The following ANKRD11 variants were observed in gnomAD, a reference collection of about 807,000 sequenced individuals.
The protein encoded by ANKRD11 is ankyrin repeat domain-containing protein 11.
Under a neutral mutation model 195.7 loss-of-function variants are expected in ANKRD11, and 17 were observed. The ratio of observed to expected loss-of-function variants is 0.09; its 90% confidence interval spans 0.06 to 0.13. The LOEUF (loss-of-function observed/expected upper bound fraction) is 0.13, where lower values mean the gene tolerates loss of function less well. Among genes scored for constraint, ANKRD11 ranks in the 10% least tolerant of loss-of-function variants. The pLI, the probability that ANKRD11 is intolerant of heterozygous loss-of-function variation, is 1.00. For synonymous variants in ANKRD11, 1,953 were observed against 1,528.1 expected, an observed-to-expected ratio of 1.28 and a Z score of -6.49; for missense variants, 3,735 against 3,566.1, an observed-to-expected ratio of 1.05 and a Z score of -1.21.
In ANKRD11 at chr16:89,490,498, T is replaced by TCGG; in HGVS notation, c.-401_-399dup. 4.3e-6 allele frequency: 2 copies of TCGG among 462,940 alleles called. No individual in the cohort carries two copies. Among genetic ancestry groups the TCGG allele is most frequent in the Non-Finnish European group, 7.8e-6 (2 of 257,576 alleles). 28.7% of individuals were successfully genotyped at this position (462,940 alleles called of 1,614,324 possible). A position where few individuals can be genotyped will look rare whatever the true frequency, so the allele number is the denominator to read the frequency against. ...ACTGATGGGGCGTCTGGCCGCGGGC[T>TCGG]CGGCGGCGGCGCCTCCCCGGCTGGG... On this transcript the variant is annotated 5_prime_UTR_variant, in exon 1 of 13. Transcript: ENST00000301030.
At chr16:89,366,691 G>C (rs1423721441) in intron 2 of ANKRD11, among the ~76,000 whole-genome samples, 1 of 152,184 alleles carries the variant, frequency 6.6e-6, no homozygotes, top group Admixed American at 6.5e-5. Context: ...TCTAGACAGA[G>C]GTGCGGCACA....
At chr16:89,473,179 C>CA (rs5818721) in intron 1 of ANKRD11, among the ~76,000 whole-genome samples, 71,325 of 142,420 alleles carry the variant, frequency 0.5, 17,523 homozygotes, top group Middle Eastern at 0.65. Context: ...GACCCTGCCT[C>CA]AAAAAAAAAA....
rs755200940 is a variant in ANKRD11, at chr16:89,285,689, A to G, written c.893-40T>C. On this transcript the variant is annotated intron_variant, in intron 8 of 12. Transcript: ENST00000301030. This position sits in a 1 kb window ranked among gnomAD's most constrained non-coding sequence, Gnocchi z 5.6. ...AAGCGAGAGGTCACAGGCAGGCTCA[A>G]AACAGCTCTCCCCAGAATGGCAGAG... The G allele has an allele frequency of 2.5e-6, 4 of 1,603,842 alleles. No individual in the cohort carries two copies.
chr16:89,359,694 G>C (rs569331562), intron 2 of ANKRD11, among the ~76,000 whole-genome samples: 2 of 152,312 alleles, frequency 1.3e-5, no homozygotes, highest in African/African-American at 4.8e-5. Context: ...AGCAGGAACT[G>C]GGTAACTGTA....
intron 2 of ANKRD11, among the ~76,000 whole-genome samples, chr16:89,344,018 A>C (rs1237954505): frequency 1.3e-5 from 2 of 152,124 alleles, no homozygotes; most frequent in African/African-American, 2.4e-5. Context: ...ATATCGGTGC[A>C]GGCGGCCAGC....
At chr16:89,368,202 CTT>C (rs796397106) in intron 2 of ANKRD11, among the ~76,000 whole-genome samples, 2 of 144,632 alleles carry the variant, frequency 1.4e-5, no homozygotes, top group African/African-American at 2.5e-5. Flanking sequence ...TGTTTTCGAG[CTT>C]TTTTTTTTTG....
chr16:89,452,535 G>T (rs1339268192), intron 1 of ANKRD11, among the ~76,000 whole-genome samples: 1 of 151,982 alleles, frequency 6.6e-6, no homozygotes, highest in African/African-American at 2.4e-5. Context: ...TCAGCACTCT[G>T]GGAGGCTGAG....
chr16:89,435,835 C>CACACAT (rs1555578690), intron 1 of ANKRD11, among the ~76,000 whole-genome samples: 2 of 149,912 alleles, frequency 1.3e-5, no homozygotes, highest in Non-Finnish European at 2.9e-5. Flanking sequence ...CACACACACA[C>CACACAT]GCTTTCGGTC....
intron 1 of ANKRD11, among the ~76,000 whole-genome samples, chr16:89,456,066 C>G (rs1485729646): frequency 6.6e-6 from 1 of 152,084 alleles, no homozygotes; most frequent in African/African-American, 2.4e-5. Context: ...TGCTGAAATC[C>G]TGTCTCTACT....
At chr16:89,464,042 CA>C (rs2056795626) in intron 1 of ANKRD11, among the ~76,000 whole-genome samples, 1 of 152,146 alleles carries the variant, frequency 6.6e-6, no homozygotes, top group African/African-American at 2.4e-5. Flanking sequence ...AGTTAAAGAC[CA>C]GCCTGGCCAA....
At chr16:89,295,427 C>T (rs1358431478) in intron 4 of ANKRD11, among the ~76,000 whole-genome samples, 6 of 152,228 alleles carry the variant, frequency 3.9e-5, no homozygotes, top group Admixed American at 2.0e-4. Context: ...ACATCCACCT[C>T]GCCAGCCCTC....
chr16:89,325,689 G>T (rs775288659), intron 2 of ANKRD11, among the ~76,000 whole-genome samples: 1 of 152,216 alleles, frequency 6.6e-6, no homozygotes, highest in Non-Finnish European at 1.5e-5. Context: ...TTGCTTTGTG[G>T]TCTGCTAAGT....
At chr16:89,344,603 G>A (rs902171193) in intron 2 of ANKRD11, among the ~76,000 whole-genome samples, 9 of 152,350 alleles carry the variant, frequency 5.9e-5, no homozygotes, top group African/African-American at 1.2e-4. Flanking sequence ...CAATGCAAGC[G>A]TCCGGGAGGA....
chr16:89,477,847 G>GC (rs1369806928), intron 1 of ANKRD11, among the ~76,000 whole-genome samples: 1 of 151,854 alleles, frequency 6.6e-6, no homozygotes, highest in Non-Finnish European at 1.5e-5. Context: ...TGGCAGGCAG[G>GC]AGAACTGCTT....
Position 89,283,375 on chromosome 16 carries a change from A to G in ANKRD11, c.3167T>C (p.Phe1056Ser). ...CQKDKEFDKCFKEKKDTKEKH... is the reference protein window; with the variant it reads ...CQKDKEFDKCSKEKKDTKEKH... Reference sequence around the variant, plus strand: ...TTCCTTGGTATCTTTTTTCTCTTTAAAACATTTATCAAATTCTTTGTCCTT... The same window carrying G: ...TTCCTTGGTATCTTTTTTCTCTTTAGAACATTTATCAAATTCTTTGTCCTT... Residue 1056 changes from phenylalanine to serine, a missense_variant, in exon 9 of 13, where the codon TTT (phenylalanine) becomes TCT (serine). Physicochemically the swap from Phe to Ser is radical, Grantham distance 155. Transcript: ENST00000301030. This position sits in a 1 kb window ranked among gnomAD's most constrained non-coding sequence, Gnocchi z 4.3. 6.2e-7 allele frequency: 1 copy of G among 1,613,604 alleles called. No homozygotes were observed. Among genetic ancestry groups the G allele is most frequent in the South Asian group, 1.1e-5 (1 of 91,070 alleles).
chr16:89,461,302 T>A (rs758667601), intron 1 of ANKRD11, among the ~76,000 whole-genome samples: 3 of 151,352 alleles, frequency 2.0e-5, no homozygotes, highest in Non-Finnish European at 4.4e-5. Context: ...AGAGTTAGTG[T>A]TAATGGGTAG....
At chr16:89,352,029 G>A (rs1305868597) in intron 2 of ANKRD11, among the ~76,000 whole-genome samples, 2 of 152,080 alleles carry the variant, frequency 1.3e-5, no homozygotes, top group African/African-American at 2.4e-5. Context: ...TCACGCCTCC[G>A]CTGAAATGAC....
chr16:89,416,938 C>T (rs1220250514), intron 2 of ANKRD11, among the ~76,000 whole-genome samples: 1 of 152,028 alleles, frequency 6.6e-6, no homozygotes, highest in Non-Finnish European at 1.5e-5. Context: ...CCATGGCACC[C>T]CTTTTATCAC....
Position 89,472,400 on chromosome 16 carries a change from C to A in ANKRD11, c.-145+17845G>T, listed in dbSNP as rs117000825. Among the ~76,000 whole-genome samples the A allele has an allele frequency of 3.3e-5, 5 of 152,192 alleles. No homozygotes were observed. In the East Asian group the frequency reaches 9.7e-4, roughly 29 times the overall value. ...GGGAAGGGGAAGGGAGAAAAAAAACCGTCTCAGACTCAACAATAAACCTAG... is the reference window on the plus strand; with the variant it reads ...GGGAAGGGGAAGGGAGAAAAAAAACAGTCTCAGACTCAACAATAAACCTAG... On this transcript the variant is annotated intron_variant, in intron 1 of 12. Coordinates refer to ENST00000301030, the MANE Select transcript of ANKRD11 (RefSeq NM_013275.6).
Sources: gnomAD v4.1 joint callset for allele counts (sites outside exome capture counted in the v4.1 genomes callset) on GRCh38, gnomAD v4.1.1 for gene constraint, Gnocchi (gnomAD v3.1) non-coding constraint, MANE v1.5 for transcripts, NCBI Gene and HGNC (gene_info 2026-07-23, HGNC 2026-07-21) for gene names.